ADA2: variants seen among roughly 807,000 people sequenced by gnomAD.
ADA2 encodes adenosine deaminase 2, also known as adenosine deaminase CECR1.
In ADA2, 29 loss-of-function variants were observed where a neutral mutation model predicts 44.2. That is an observed-to-expected ratio of 0.66 (90% CI 0.49 to 0.89). The LOEUF (loss-of-function observed/expected upper bound fraction) is 0.89. Ranked by LOEUF, ADA2 falls within the 40% of genes least tolerant of loss-of-function variation. The pLI is 0.00. For missense variants in ADA2, 637 were observed against 644.8 expected (o/e 0.99, Z 0.13); for synonymous variants, 215 against 234.9 (o/e 0.92, Z 0.77).
At chr22:17,182,228 G>A (rs1299454692) in intron 8 of ADA2, among the ~76,000 whole-genome samples, 1 of 152,130 alleles carries the variant, frequency 6.6e-6, no homozygotes, top group Non-Finnish European at 1.5e-5. Context: ...CATCAGCACT[G>A]CAAACATCGG....
At chr22:17,210,679 C>A (rs1001573764) in intron 1 of ADA2, among the ~76,000 whole-genome samples, 1 of 152,028 alleles carries the variant, frequency 6.6e-6, no homozygotes, top group Admixed American at 6.6e-5. Context: ...CCCTCTACAA[C>A]CTCCGCCTCC....
Position 17,181,212 on chromosome 22 carries a change from C to T in ADA2, c.*271G>A, listed in dbSNP as rs563438649. 3.5e-4 allele frequency: 141 copies of T among 406,420 alleles called. 1 individual carries two copies. The highest frequency in any genetic ancestry group is 1.5e-3 in the Middle Eastern group (2 of 1,326). The allele number at this position is 406,420 out of a possible 1,614,324, so 25.2% of individuals were successfully genotyped here. ...CCAGGACTGAGTCCTGAGGAAACAG[C>T]ACAGAGATCAGAGAGAGGAGAAGAC... On this transcript the variant is annotated 3_prime_UTR_variant, in exon 10 of 10. Coordinates refer to ENST00000399837, the MANE Select transcript of ADA2 (RefSeq NM_001282225.2).
At chr22:17,209,179 G>C (rs2062389772) in intron 2 of ADA2, among the ~76,000 whole-genome samples, 177 bp downstream of exon 2, 1 of 152,012 alleles carries the variant, frequency 6.6e-6, no homozygotes, top group South Asian at 2.1e-4. Context: ...CAGGAAGCAG[G>C]GGTTTTGGTT....
chr22:17,192,873 A>C (rs1164156602), intron 4 of ADA2: 8 of 480,428 alleles, frequency 1.7e-5, no homozygotes, highest in Non-Finnish European at 3.1e-5. Flanking sequence ...GGCGCTGCCT[A>C]CAGAAGTGGC....
chr22:17,210,608 T>C (rs1010287105), intron 1 of ADA2, among the ~76,000 whole-genome samples: 3 of 150,392 alleles, frequency 2.0e-5, no homozygotes, highest in African/African-American at 7.5e-5. Flanking sequence ...TTAATTTTTG[T>C]TTTTTTTAAG....
chr22:17,195,817 G>A (rs2062183461), intron 4 of ADA2, among the ~76,000 whole-genome samples: 1 of 149,748 alleles, frequency 6.7e-6, no homozygotes, highest in Non-Finnish European at 1.5e-5. Flanking sequence ...CTGGAGTGCA[G>A]TGGTGCGATC....
intron 4 of ADA2, among the ~76,000 whole-genome samples, chr22:17,197,893 C>T (rs1373354608): frequency 6.6e-6 from 1 of 152,114 alleles, no homozygotes; most frequent in Non-Finnish European, 1.5e-5. Context: ...AGAAAATTAG[C>T]CGGGTGTGGT....
chr22:17,196,139 T>C (rs1362257304), intron 4 of ADA2, among the ~76,000 whole-genome samples: 2 of 151,888 alleles, frequency 1.3e-5, no homozygotes, highest in East Asian at 1.9e-4. Flanking sequence ...CTGATGTCAG[T>C]TGACCAGCCT....
chr22:17,178,977 A>C lies in ADA2; in HGVS notation c.*2506T>G, dbSNP rs1265983477. 1 of 152,238 alleles carries C rather than the reference A, an allele frequency of 6.6e-6. No individual in the cohort carries two copies. Among genetic ancestry groups the C allele is most frequent in the East Asian group, 1.9e-4 (1 of 5,192 alleles). 9.4% of individuals were successfully genotyped at this position (152,238 alleles called of 1,614,324 possible). ...CCCTAGAGGTTGTCTTCTTCCATCC[A>C]GGCACAGCTTATGGTTGCTGTTTTT... is the stretch of plus-strand genomic sequence containing the variant. On this transcript the variant is annotated 3_prime_UTR_variant, in exon 10 of 10. Coordinates refer to ENST00000399837, the MANE Select transcript of ADA2 (RefSeq NM_001282225.2).
chr22:17,213,487 C>T (rs1181751819), intron 1 of ADA2: 2 of 228,490 alleles, frequency 8.8e-6, no homozygotes, highest in Non-Finnish European at 1.8e-5. Context: ...GCAAGTCCAT[C>T]TACCGAAGCA....
chr22:17,191,950 C>G lies in ADA2; in HGVS notation c.754-140G>C. On this transcript the variant is annotated intron_variant, in intron 4 of 9. Transcript: ENST00000399837. ...TCCCAGCCACCCCTTCCCAGCCACC[C>G]TTGCCCAGCCACCCCTGCCCAGCCA... 3.7e-6 allele frequency: 3 copies of G among 817,044 alleles called. No homozygotes were observed. The South Asian group carries it at 5.7e-5, about 15-fold the overall frequency. 50.6% of individuals were successfully genotyped at this position (817,044 alleles called of 1,614,324 possible). A position where few individuals can be genotyped will look rare whatever the true frequency, so the allele number is the denominator to read the frequency against.
chr22:17,201,514 G>A (rs1380662307), intron 4 of ADA2, among the ~76,000 whole-genome samples: 3 of 152,010 alleles, frequency 2.0e-5, no homozygotes, highest in Admixed American at 1.3e-4. Flanking sequence ...GTAAATGAAC[G>A]AGCAGACTCT....
At chr22:17,206,397 CTGTGAG>C (rs2062353929) in intron 3 of ADA2, among the ~76,000 whole-genome samples, 8 of 25,470 alleles carry the variant, frequency 3.1e-4, no homozygotes. Flanking sequence ...GCAGAGGCTG[CTGTGAG>C]CCAAGATCAG....
chr22:17,204,208 C>T (rs2062326534), intron 3 of ADA2, among the ~76,000 whole-genome samples: 1 of 152,138 alleles, frequency 6.6e-6, no homozygotes, highest in Admixed American at 6.6e-5. Context: ...CCCAAACCCC[C>T]AAATTCAAAT....
intron 5 of ADA2, 137 bp downstream of exon 5, chr22:17,191,546 C>T: frequency 2.1e-6 from 2 of 959,238 alleles, no homozygotes; most frequent in Admixed American, 2.0e-5. Context: ...CACACAGGCA[C>T]AGCACAGCTC....
At chr22:17,184,900 GC>G in intron 7 of ADA2, among the ~76,000 whole-genome samples, 1 of 6,362 alleles carries the variant, frequency 1.6e-4, no homozygotes, top group Admixed American at 1.5e-3. Flanking sequence ...CCACACTCTA[GC>G]CTGGGTGACA....
At chr22:17,191,858 G>T in intron 4 of ADA2, 48 bp from the exon 5 acceptor site, 1 of 1,569,224 alleles carries the variant, frequency 6.4e-7, no homozygotes. Flanking sequence ...AGTGAGAGAC[G>T]CCACCCCCTT....
At chr22:17,210,726 T>C (rs550622004) in intron 1 of ADA2, among the ~76,000 whole-genome samples, 1 of 152,090 alleles carries the variant, frequency 6.6e-6, no homozygotes, top group African/African-American at 2.4e-5. Context: ...GCCTCCCAAG[T>C]GGCTGGGACT....
upstream of ADA2, among the ~76,000 whole-genome samples, chr22:17,220,534 A>G (rs1266328941): frequency 6.6e-6 from 1 of 152,214 alleles, no homozygotes; most frequent in Non-Finnish European, 1.5e-5. Flanking sequence ...AAAGCTCTTG[A>G]TAAATATTAG....
Sources: allele counts gnomAD v4.1 joint callset (sites outside exome capture counted in the v4.1 genomes callset), GRCh38; gene constraint gnomAD v4.1.1; transcripts MANE v1.5; gene names NCBI Gene and HGNC (gene_info 2026-07-23, HGNC 2026-07-21).